The following RASSF8 variants were observed in gnomAD, a reference collection of about 807,000 sequenced individuals.
RASSF8 encodes ras association domain-containing protein 8.
RASSF8 carries 22 observed loss-of-function variants against 48.5 expected under a neutral mutation model. That is an observed-to-expected ratio of 0.45 (90% CI 0.32 to 0.65). The LOEUF (loss-of-function observed/expected upper bound fraction) is 0.65, where lower values mean the gene tolerates loss of function less well. RASSF8 is among the 30% of genes least tolerant of loss of function. The pLI, the probability that RASSF8 is intolerant of heterozygous loss-of-function variation, is 0.03. For missense variants in RASSF8, 418 were observed against 489.2 expected (o/e 0.85, Z 1.37); for synonymous variants, 127 against 171.5 (o/e 0.74, Z 2.03).
chr12:25,958,741 G>T lies in RASSF8; in HGVS notation c.-610G>T, dbSNP rs1941144009. On this transcript the variant is annotated 5_prime_UTR_variant, in exon 1 of 6. Coordinates refer to ENST00000689635, the MANE Select transcript of RASSF8 (RefSeq NM_001394098.1). ...ACTCCTACGCCCGCGCTCCTCCTAC[G>T]CCCGCGCTCGTCCGGCGCCCCGCGC... is the stretch of plus-strand genomic sequence containing the variant. Among the ~76,000 whole-genome samples, 1 of 146,228 alleles carries T rather than the reference G, an allele frequency of 6.8e-6. No individual in the cohort carries two copies.
At chr12:25,965,636 G>A (rs1019702255) in intron 1 of RASSF8, among the ~76,000 whole-genome samples, 2 of 151,862 alleles carry the variant, frequency 1.3e-5, no homozygotes, top group Admixed American at 1.3e-4. Flanking sequence ...GATTACAGGC[G>A]AGAGCCACCA....
chr12:26,011,567 C>A (rs1484429499), intron 2 of RASSF8, among the ~76,000 whole-genome samples: 1 of 152,106 alleles, frequency 6.6e-6, no homozygotes, highest in Non-Finnish European at 1.5e-5. Context: ...CCCCCGAATT[C>A]AAATGTTGAA....
chr12:25,966,866 C>G (rs1379172378), intron 1 of RASSF8, among the ~76,000 whole-genome samples: 5 of 152,142 alleles, frequency 3.3e-5, no homozygotes, highest in Non-Finnish European at 7.4e-5. Context: ...AGCCTAAGGT[C>G]ATAAAGATTT....
chr12:26,049,338 CAT>C (rs1943440572), intron 2 of RASSF8, among the ~76,000 whole-genome samples: 1 of 152,314 alleles, frequency 6.6e-6, no homozygotes, highest in South Asian at 2.1e-4. Context: ...TTATTGAAAA[CAT>C]ATCTCTTAGT....
In RASSF8 at chr12:26,078,996, C is replaced by CT. The variant is rs138605126; in HGVS notation, c.1139-31dup. 1.8e-3 allele frequency: 2,750 copies of CT among 1,526,124 alleles called. 49 individuals carry two copies. The African/African-American group carries it at 0.032, about 18-fold the overall frequency. The allele number at this position is 1,526,124 out of a possible 1,614,324, so 94.5% of individuals were successfully genotyped here. A position where few individuals can be genotyped will look rare whatever the true frequency, so the allele number is the denominator to read the frequency against. ...AAAAACAAATTCACCAACCTTAACT[C>CT]TTTTTTGTTGTTGTGTGTTTCTTCT... On this transcript the variant is annotated intron_variant, in intron 5 of 5. Coordinates refer to the RASSF8 transcript ENST00000381352.
chr12:25,994,126 T>A (rs1366040830), intron 1 of RASSF8, among the ~76,000 whole-genome samples: 1 of 152,206 alleles, frequency 6.6e-6, no homozygotes, highest in African/African-American at 2.4e-5. Flanking sequence ...TTTCTTACAT[T>A]TGCATCAGAT....
chr12:26,053,187 GA>G (rs34156987), intron 2 of RASSF8, among the ~76,000 whole-genome samples: 91,792 of 146,428 alleles, frequency 0.63, 28,543 homozygotes, highest in Non-Finnish European at 0.66. Context: ...TTCCACAATT[GA>G]AAAAAAAAAA....
In RASSF8 at chr12:26,072,225, C is replaced by T. The variant is rs1944014263; in HGVS notation, c.*3407C>T. ...TGTTAAAATTAGCTTATAATTATTA[C>T]TTTTGTATTGTGTTCAGTTTTTTAA... is the stretch of plus-strand genomic sequence containing the variant. On this transcript the variant is annotated 3_prime_UTR_variant, in exon 6 of 6. Coordinates refer to ENST00000689635, the MANE Select transcript of RASSF8 (RefSeq NM_001394098.1). 1.0e-6 allele frequency: 1 copy of T among 971,644 alleles called. No individual in the cohort carries two copies. Among genetic ancestry groups the T allele is most frequent in the Non-Finnish European group, 1.2e-6 (1 of 817,534 alleles). The allele number at this position is 971,644 out of a possible 1,614,324, so 60.2% of individuals were successfully genotyped here.
intron 3 of RASSF8, among the ~76,000 whole-genome samples, chr12:26,059,191 G>T (rs765227688): frequency 5.9e-5 from 9 of 152,136 alleles, no homozygotes; most frequent in African/African-American, 9.7e-5. Flanking sequence ...CCCTCAGGCA[G>T]CTTAGAGCTT....
chr12:25,966,740 G>A (rs543291386), intron 1 of RASSF8, among the ~76,000 whole-genome samples: 15 of 152,180 alleles, frequency 9.9e-5, no homozygotes, highest in Middle Eastern at 3.4e-3. Context: ...GTGTCTCATC[G>A]TTTTCTTAAC....
chr12:26,023,240 A>C (rs1285643853), intron 2 of RASSF8, among the ~76,000 whole-genome samples: 1 of 152,224 alleles, frequency 6.6e-6, no homozygotes, highest in East Asian at 1.9e-4. Context: ...GGAATAAAAA[A>C]ATTAAAAGAA....
At chr12:26,003,165 G>C (rs1172983790) in intron 2 of RASSF8, among the ~76,000 whole-genome samples, 1 of 152,070 alleles carries the variant, frequency 6.6e-6, no homozygotes, top group African/African-American at 2.4e-5. Context: ...TATCATGAAG[G>C]GATGTTGAAT....
chr12:26,033,748 C>T (rs2137119294), intron 2 of RASSF8, among the ~76,000 whole-genome samples: 2 of 152,100 alleles, frequency 1.3e-5, no homozygotes, highest in South Asian at 4.2e-4. Flanking sequence ...TGCACATCTG[C>T]CTTGTCCCTG....
rs568019750 is a variant in RASSF8 at position 26,004,510 on chromosome 12, ATTG to A, written c.-109+9384_-109+9386del. Among the ~76,000 whole-genome samples, 273 of 152,356 alleles carry A rather than the reference ATTG, an allele frequency of 1.8e-3. 2 individuals are homozygous for A. Among genetic ancestry groups the A allele is most frequent in the African/African-American group, 6.3e-3 (262 of 41,582 alleles). On this transcript the variant is annotated intron_variant, in intron 2 of 5. Coordinates refer to ENST00000689635, the MANE Select transcript of RASSF8 (RefSeq NM_001394098.1). ...CCCAGAACTTAACTACTAATAGCCT[ATTG>A]TTGACCAGAAGGCTTACCAATAACA...
chr12:26,011,351 C>T (rs1468715583), intron 2 of RASSF8, among the ~76,000 whole-genome samples: 1 of 152,090 alleles, frequency 6.6e-6, no homozygotes, highest in Non-Finnish European at 1.5e-5. Flanking sequence ...CAGAACCTTT[C>T]CAAAAAGATT....
chr12:25,974,830 G>A (rs1012212472), intron 1 of RASSF8, among the ~76,000 whole-genome samples: 1 of 152,132 alleles, frequency 6.6e-6, no homozygotes, highest in Non-Finnish European at 1.5e-5. Context: ...TGTAGCGTGG[G>A]TAGGGTAGCT....
intron 2 of RASSF8, among the ~76,000 whole-genome samples, chr12:26,045,267 G>T (rs367947832): frequency 2.0e-4 from 31 of 152,152 alleles, no homozygotes; most frequent in Middle Eastern, 3.4e-3. Context: ...TATCCTTAAA[G>T]CATTTAATAT....
intron 2 of RASSF8, among the ~76,000 whole-genome samples, chr12:26,039,729 C>T (rs1289000018): frequency 1.3e-5 from 2 of 152,092 alleles, no homozygotes; most frequent in African/African-American, 4.8e-5. Flanking sequence ...ATGTTTTTGC[C>T]ATGTTTCTTC....
At chr12:25,991,956 GCCCC>G (rs1942025158) in intron 1 of RASSF8, among the ~76,000 whole-genome samples, 1 of 152,186 alleles carries the variant, frequency 6.6e-6, no homozygotes, top group Non-Finnish European at 1.5e-5. Flanking sequence ...TGGTGGGGCT[GCCCC>G]AATTTTTATC....
Sources: gnomAD v4.1 joint callset for allele counts (sites outside exome capture counted in the v4.1 genomes callset) on GRCh38, gnomAD v4.1.1 for gene constraint, MANE v1.5 for transcripts, NCBI Gene and HGNC (gene_info 2026-07-23, HGNC 2026-07-21) for gene names.